DCDC1: variants seen among roughly 807,000 people sequenced by gnomAD.
The protein encoded by DCDC1 is doublecortin domain containing 1.
In DCDC1, 200 loss-of-function variants were observed where a neutral mutation model predicts 178.3. The observed-to-expected ratio is 1.12, with a 90% CI of 1.00 to 1.26. The LOEUF is 1.26. Ranked by LOEUF, DCDC1 falls within the 50% of genes most tolerant of loss-of-function variation. DCDC1 has a pLI of 0.00. For synonymous variants in DCDC1, 690 were observed against 604.8 expected (o/e 1.14, Z -2.07); for missense variants, 1,983 against 1,749.2 (o/e 1.13, Z -2.38).
chr11:30,923,272 C>G (rs772986570), intron 23 of DCDC1, among the ~76,000 whole-genome samples: 3 of 152,124 alleles, frequency 2.0e-5, no homozygotes, highest in Non-Finnish European at 2.9e-5. Context: ...CCTACAATAT[C>G]TACTATCTCA....
intron 7 of DCDC1, among the ~76,000 whole-genome samples, chr11:31,278,924 C>T (rs1482968496): frequency 2.6e-5 from 4 of 152,200 alleles, no homozygotes; most frequent in African/African-American, 7.2e-5. Context: ...TATCTAATTC[C>T]TTTGCATTTC....
At chr11:31,041,871 C>A (rs1169933064) in intron 20 of DCDC1, among the ~76,000 whole-genome samples, 2 of 152,094 alleles carry the variant, frequency 1.3e-5, no homozygotes, top group Non-Finnish European at 2.9e-5. Context: ...AGTAAAAACA[C>A]TAAAGCAAAA....
intron 20 of DCDC1, among the ~76,000 whole-genome samples, chr11:31,027,152 A>G (rs894013772): frequency 6.6e-6 from 1 of 151,850 alleles, no homozygotes; most frequent in African/African-American, 2.4e-5. Context: ...TTCGTTTTAC[A>G]AACTAAGAAA....
chr11:31,121,961 T>A lies in DCDC1; in HGVS notation c.1485+5508A>T, dbSNP rs190416606. Among the ~76,000 whole-genome samples, 7 of 152,310 alleles carry A rather than the reference T, an allele frequency of 4.6e-5. No individual in the cohort carries two copies. The South Asian group carries it at 6.2e-4, about 14-fold the overall frequency. ...TTTATTGATAAGTCATTTAACACTC[T>A]ATGATAGTACGTGCCACAAGGTGGG... On this transcript the variant is annotated intron_variant, in intron 11 of 38. Coordinates refer to ENST00000684477, the MANE Select transcript of DCDC1 (RefSeq NM_001387274.1).
At chr11:31,168,652 C>T (rs1484647275) in intron 9 of DCDC1, among the ~76,000 whole-genome samples, 1 of 152,094 alleles carries the variant, frequency 6.6e-6, no homozygotes, top group African/African-American at 2.4e-5. Flanking sequence ...GGGTTAGTTG[C>T]GCTGCTTCTT....
At chr11:31,058,555 A>T (rs539891656) in intron 20 of DCDC1, among the ~76,000 whole-genome samples, 12 of 152,236 alleles carry the variant, frequency 7.9e-5, no homozygotes, top group Middle Eastern at 3.4e-3. Context: ...CCATGAAGCC[A>T]GGGTGACTAG....
chr11:31,347,553 A>G (rs1415877135), intron 1 of DCDC1, among the ~76,000 whole-genome samples: 1 of 152,208 alleles, frequency 6.6e-6, no homozygotes, highest in Non-Finnish European at 1.5e-5. Context: ...AATGGAAAAC[A>G]AAAAGCAAGG....
chr11:30,951,469 G>C (rs1376999550), intron 21 of DCDC1, among the ~76,000 whole-genome samples: 3 of 152,052 alleles, frequency 2.0e-5, no homozygotes, highest in African/African-American at 7.2e-5. Flanking sequence ...AAGTAGCCCA[G>C]GTGGAAGGAC....
intron 10 of DCDC1, among the ~76,000 whole-genome samples, chr11:31,130,041 T>C (rs1207972683): frequency 6.6e-6 from 1 of 152,090 alleles, no homozygotes. Flanking sequence ...ATCCCACAAA[T>C]GAGGAAATTG....
At chr11:31,195,433 T>C (rs1970586336) in intron 9 of DCDC1, among the ~76,000 whole-genome samples, 1 of 152,090 alleles carries the variant, frequency 6.6e-6, no homozygotes, top group Non-Finnish European at 1.5e-5. Context: ...TATTTGATAG[T>C]AGCTCCTCTT....
chr11:31,007,491 C>T (rs1011162426), intron 20 of DCDC1, among the ~76,000 whole-genome samples: 1 of 152,106 alleles, frequency 6.6e-6, no homozygotes, highest in African/African-American at 2.4e-5. Context: ...CTTGAGTCTA[C>T]AATTTCAGAG....
intron 8 of DCDC1, among the ~76,000 whole-genome samples, chr11:31,256,697 T>G (rs1373418675): frequency 6.6e-6 from 1 of 152,206 alleles, no homozygotes; most frequent in Non-Finnish European, 1.5e-5. Context: ...AGCTTTGTAG[T>G]TGTATTTTTA....
chr11:30,887,529 G>C (rs1236157578), intron 36 of DCDC1, among the ~76,000 whole-genome samples: 1 of 152,152 alleles, frequency 6.6e-6, no homozygotes, highest in Non-Finnish European at 1.5e-5. Flanking sequence ...CAAATATGTT[G>C]GCATTGAAGT....
chr11:30,957,964 A>G (rs1948865396), intron 20 of DCDC1, among the ~76,000 whole-genome samples: 2 of 152,190 alleles, frequency 1.3e-5, no homozygotes, highest in Admixed American at 1.3e-4. Flanking sequence ...CCTGGTTCAC[A>G]AAGAGGTCAG....
rs1398307795 is a variant in DCDC1 at position 31,076,843 on chromosome 11, C to T, written c.2298+1022G>A. 2.6e-5 allele frequency among the ~76,000 whole-genome samples: 4 copies of T among 152,240 alleles called. No homozygotes were observed. In the East Asian group the frequency reaches 7.8e-4, roughly 30 times the overall value. ...GGCTTGGGAGGCTCAAGGTGCTCTT[C>T]TGTGTCCTGGATTCCCCAGGAGGAG... On this transcript the variant is annotated intron_variant, in intron 18 of 38. Coordinates refer to ENST00000684477, the MANE Select transcript of DCDC1 (RefSeq NM_001387274.1).
intron 25 of DCDC1, 52 bp from the exon 26 acceptor site, chr11:30,917,080 C>T: frequency 4.6e-6 from 7 of 1,530,090 alleles, no homozygotes; most frequent in East Asian, 2.3e-5. Flanking sequence ...TTCGTGTTCA[C>T]AGAATTTTTT....
Position 31,104,205 on chromosome 11 carries a change from A to G in DCDC1, c.1752-436T>C, listed in dbSNP as rs1958699359. Among the ~76,000 whole-genome samples the G allele has an allele frequency of 2.0e-5, 3 of 152,254 alleles. No homozygotes were observed. In the South Asian group the frequency reaches 6.2e-4, roughly 32 times the overall value. On this transcript the variant is annotated intron_variant, in intron 13 of 38. Transcript: ENST00000684477. ...TAAATGCCATGCTGATTTGATTTTC[A>G]TATTACATATTGTTAGGCACACTGT...
At chr11:31,174,930 T>G (rs560703571) in intron 9 of DCDC1, among the ~76,000 whole-genome samples, 15 of 152,188 alleles carry the variant, frequency 9.9e-5, no homozygotes, top group Non-Finnish European at 2.2e-4. Flanking sequence ...TCATCCTTCC[T>G]GGACACAGTT....
At chr11:31,030,118 A>G (rs540996852) in intron 20 of DCDC1, among the ~76,000 whole-genome samples, 1 of 148,952 alleles carries the variant, frequency 6.7e-6, no homozygotes, top group Admixed American at 6.8e-5. Flanking sequence ...TACTTGGACC[A>G]ATAAGTCATG....
Sources: gnomAD v4.1 joint callset for allele counts (sites outside exome capture counted in the v4.1 genomes callset) on GRCh38, gnomAD v4.1.1 for gene constraint, MANE v1.5 for transcripts, NCBI Gene and HGNC (gene_info 2026-07-23, HGNC 2026-07-21) for gene names.